The following LDB3 variants were observed in gnomAD, a reference collection of about 807,000 sequenced individuals.
LDB3 encodes LIM domain binding 3.
LDB3 carries 49 observed loss-of-function variants against 69.0 expected under a neutral mutation model. That is an observed-to-expected ratio of 0.71 (90% CI 0.56 to 0.90). The LOEUF (loss-of-function observed/expected upper bound fraction) is 0.90. Among genes scored for constraint, LDB3 ranks in the 40% least tolerant of loss-of-function variants. The pLI, the probability that LDB3 is intolerant of heterozygous loss-of-function variation, is 0.00. For synonymous variants in LDB3, 387 were observed against 396.2 expected (o/e 0.98, Z 0.28); for missense variants, 928 against 974.1 (o/e 0.95, Z 0.63).
chr10:86,681,611 C>T lies in LDB3; in HGVS notation c.497C>T (p.Ala166Val). The change falls in exon 5 of 14, where the codon GCC (alanine) becomes GTC (valine). Residue 166 changes from alanine (A) to valine (V), a missense_variant. By Grantham distance (64) the Ala-to-Val change is moderately conservative. Transcript: ENST00000361373. ...GCCTCTGACCCTGGCCCTCCGCGGG[C>T]CAGCCTGAGGGCCAAGACCAGCCCA... ...AEASDPGPPR[A>V]SLRAKTSPEG... is the part of the protein sequence containing the mutation. 2 of 1,613,074 alleles carry T rather than the reference C, an allele frequency of 1.2e-6. No individual in the cohort carries two copies. The highest frequency in any genetic ancestry group is 1.7e-6 in the Non-Finnish European group (2 of 1,179,764).
intron 2 of LDB3, among the ~76,000 whole-genome samples, chr10:86,671,399 G>A (rs1589603941): frequency 1.3e-5 from 2 of 152,292 alleles, no homozygotes; most frequent in African/African-American, 2.4e-5. Flanking sequence ...GGGGCTCATG[G>A]CAGCAACTTT....
intron 8 of LDB3, among the ~76,000 whole-genome samples, chr10:86,707,009 GTCTC>G (rs770950326): frequency 7.9e-5 from 12 of 152,242 alleles, no homozygotes; most frequent in East Asian, 1.9e-4. Context: ...AGAGGTAACA[GTCTC>G]TCTCTCTTTC....
chr10:86,675,191 C>CT lies in LDB3; in HGVS notation c.94-4176_94-4175insT, dbSNP rs5786743. On this transcript the variant is annotated intron_variant, in intron 2 of 13. Coordinates refer to ENST00000361373, the MANE Select transcript of LDB3 (RefSeq NM_007078.3). ...TCTCCCTTGGGAGCAAGCATCCCCC[C>CT]GGCCCATACCTGAGGATGAGGGAGA... Among the ~76,000 whole-genome samples, 88 of 152,238 alleles carry CT rather than the reference C, an allele frequency of 5.8e-4. 1 individual carries two copies. In the East Asian group the frequency reaches 0.014, roughly 23 times the overall value.
chr10:86,716,107 C>A (rs1031499366), intron 9 of LDB3, among the ~76,000 whole-genome samples: 2 of 152,014 alleles, frequency 1.3e-5, no homozygotes, highest in Non-Finnish European at 2.9e-5. Flanking sequence ...CCAGCCCTGT[C>A]GAGGGTTCTG....
intron 4 of LDB3, among the ~76,000 whole-genome samples, chr10:86,680,677 C>T (rs1294579689): frequency 6.8e-6 from 1 of 146,736 alleles, no homozygotes; most frequent in Non-Finnish European, 1.5e-5. Flanking sequence ...GACGTGCTGG[C>T]AATGGCAGGC....
rs773827529 is a variant in LDB3, at chr10:86,710,008, G to A, written c.1189G>A (p.Val397Ile). 6.2e-7 allele frequency: 1 copy of A among 1,613,202 alleles called. No individual in the cohort carries two copies. The highest frequency in any genetic ancestry group is 1.1e-5 in the South Asian group (1 of 91,074). ...CGCCGCCCCTGCACCCAAGCCCCGG[G>A]TTGTCACCACTGCCAGCATCCGGCC... ...GPAAPAPKPR[V>I]VTTASIRPSV... Residue 397 changes from valine to isoleucine, a missense_variant, in exon 9 of 14, where the codon GTT (valine) becomes ATT (isoleucine). Val to Ile is a conservative substitution (Grantham distance 29). Coordinates refer to ENST00000361373, the MANE Select transcript of LDB3 (RefSeq NM_007078.3).
chr10:86,678,728 A>G (rs936065322), intron 2 of LDB3, among the ~76,000 whole-genome samples: 2 of 151,402 alleles, frequency 1.3e-5, no homozygotes, highest in Non-Finnish European at 2.9e-5. Flanking sequence ...GTAACCTCAA[A>G]CTCCTAGGCT....
At position 86,734,138 on chromosome 10, in the gene LDB3, T is replaced by A. The variant is rs940632387; in HGVS notation, c.*1162T>A. ...AAATGTTCCTTTAAATGCAGCACAC[T>A]GAGTTTGTACAATTGTGTTAACTGC... On this transcript the variant is annotated 3_prime_UTR_variant, in exon 14 of 14. Transcript: ENST00000361373. The A allele has an allele frequency of 2.0e-5, 3 of 152,242 alleles. No homozygotes were observed. The highest frequency in any genetic ancestry group is 6.5e-5 in the Admixed American group (1 of 15,270). The allele number at this position is 152,242 out of a possible 1,614,324, so 9.4% of individuals were successfully genotyped here.
chr10:86,718,773 T>G lies in LDB3; in HGVS notation c.1904T>G (p.Val635Gly), dbSNP rs567014755. 2.8e-5 allele frequency: 46 copies of G among 1,614,162 alleles called. No individual in the cohort carries two copies. In the South Asian group the frequency reaches 4.4e-4, roughly 15 times the overall value. ...CAGACATGGCACACCACCTGCTTCG[T>G]CTGTGCGGCCTGCAAGAAGCCTTTT... Reference protein sequence around the residue: ...LRQTWHTTCFVCAACKKPFGN... With the variant: ...LRQTWHTTCFGCAACKKPFGN... The change falls in exon 12 of 14, where the codon GTC (valine) becomes GGC (glycine). Residue 635 changes from valine to glycine, a missense_variant. Val to Gly is a moderately radical substitution (Grantham distance 109). Transcript: ENST00000361373.
chr10:86,716,545 C>G lies in LDB3; in HGVS notation c.1450C>G (p.Pro484Ala), dbSNP rs1476302130. 3.1e-6 allele frequency: 5 copies of G among 1,613,584 alleles called. No homozygotes were observed. The highest frequency in any genetic ancestry group is 4.2e-6 in the Non-Finnish European group (5 of 1,179,898). The change falls in exon 10 of 14, where the codon CCT (proline) becomes GCT (alanine). Residue 484 changes from proline (P) to alanine (A), a missense_variant. By Grantham distance (27) the Pro-to-Ala change is conservative. Transcript: ENST00000361373. ...SVAYSGGPAE[P>A]ASRPPWVTDD... is the part of the protein sequence containing the mutation. The stretch of plus-strand genomic sequence containing the variant: ...GGCCTACAGCGGGGGCCCTGCGGAG[C>G]CTGCCAGCCGTCCACCCTGGGTGAC...
At chr10:86,668,867 C>T in intron 2 of LDB3, 83 bp downstream of exon 2, 1 of 1,039,420 alleles carries the variant, frequency 9.6e-7, no homozygotes, top group Admixed American at 1.8e-5. Context: ...GTCTGTCTGT[C>T]CTTTCTGAGC....
chr10:86,682,403 A>G (rs1845208287), intron 5 of LDB3, among the ~76,000 whole-genome samples: 1 of 152,058 alleles, frequency 6.6e-6, no homozygotes, highest in South Asian at 2.1e-4. Flanking sequence ...GCAGGACCCC[A>G]AGGAGAAAGG....
intron 5 of LDB3, among the ~76,000 whole-genome samples, chr10:86,689,964 C>T (rs1265705384): frequency 6.6e-6 from 1 of 152,212 alleles, no homozygotes; most frequent in African/African-American, 2.4e-5. Flanking sequence ...ATGAAAGGCA[C>T]AGCAGTTTCC....
intron 2 of LDB3, among the ~76,000 whole-genome samples, chr10:86,678,626 C>T (rs1398917604): frequency 1.3e-5 from 2 of 152,014 alleles, no homozygotes; most frequent in African/African-American, 4.8e-5. Context: ...GCGTGAGCCA[C>T]CACGCCCAGC....
chr10:86,677,864 C>T (rs1486729622), intron 2 of LDB3, among the ~76,000 whole-genome samples: 1 of 152,166 alleles, frequency 6.6e-6, no homozygotes, highest in Non-Finnish European at 1.5e-5. Flanking sequence ...CACTAAGATG[C>T]TTTTGAGTGG....
Position 86,691,969 on chromosome 10 carries a change from A to G in LDB3, c.763A>G (p.Lys255Glu), listed in dbSNP as rs1383406397. 6.2e-7 allele frequency: 1 copy of G among 1,614,168 alleles called. No individual in the cohort carries two copies. The change falls in exon 6 of 14, where the codon AAG becomes GAG. Residue 255 changes from lysine (K) to glutamate (E), a missense_variant. Coordinates refer to ENST00000361373, the MANE Select transcript of LDB3 (RefSeq NM_007078.3). ...CCAGGCTGTGATTAAGAGCCAGAAC[A>G]AGCCAGAAGATGAGGCTGACGAGTG... ...VYQAVIKSQN[K>E]PEDEADEWAR...
At chr10:86,711,369 G>A (rs1197312042) in intron 9 of LDB3, among the ~76,000 whole-genome samples, 5 of 152,016 alleles carry the variant, frequency 3.3e-5, no homozygotes, top group Admixed American at 1.3e-4. Context: ...GGAGCCGCGG[G>A]CCCCCGCGCC....
intron 7 of LDB3, among the ~76,000 whole-genome samples, chr10:86,693,331 C>T (rs1410948565): frequency 6.6e-6 from 1 of 152,184 alleles, no homozygotes; most frequent in Non-Finnish European, 1.5e-5. Flanking sequence ...CTTCCGGTAG[C>T]AAATATGTCA....
In LDB3 at chr10:86,716,309, T is replaced by A. The variant is rs764158731; in HGVS notation, c.1232-18T>A. 8 of 1,611,574 alleles carry A rather than the reference T, an allele frequency of 5.0e-6. No individual in the cohort carries two copies. The highest frequency in any genetic ancestry group is 2.2e-4 in the Middle Eastern group (1 of 4,452). On this transcript the variant is annotated intron_variant, in intron 9 of 13. Transcript: ENST00000361373. ...ATTCCTGACACACCTTTCTTTGGGT[T>A]TTTTTTGGCTTTTGCAGTGCCTGCA...
Sources: gnomAD v4.1 joint callset for allele counts (sites outside exome capture counted in the v4.1 genomes callset) on GRCh38, gnomAD v4.1.1 for gene constraint, MANE v1.5 for transcripts, NCBI Gene and HGNC (gene_info 2026-07-23, HGNC 2026-07-21) for gene names.